Variants in SYTL2 observed in about 807,000 individuals in gnomAD.
SYTL2 encodes synaptotagmin-like protein 2.
Under a neutral mutation model 198.7 loss-of-function variants are expected in SYTL2, and 165 were observed. The observed-to-expected ratio is 0.83, with a 90% CI of 0.73 to 0.94. The LOEUF (loss-of-function observed/expected upper bound fraction) is 0.94, where lower values mean the gene tolerates loss of function less well. Ranked by LOEUF, SYTL2 falls within the 40% of genes least tolerant of loss-of-function variation. The pLI is 0.00. For missense variants in SYTL2, 2,835 were observed against 2,582.8 expected (o/e 1.10, Z -2.12); for synonymous variants, 966 against 917.7 (o/e 1.05, Z -0.95).
chr11:85,739,397 C>T (rs2153504933), intron 4 of SYTL2, among the ~76,000 whole-genome samples: 1 of 151,900 alleles, frequency 6.6e-6, no homozygotes, highest in Non-Finnish European at 1.5e-5. Context: ...CATAGTCAGA[C>T]ACTAAAATAT....
At chr11:85,702,291 G>A (rs1381017828) in intron 16 of SYTL2, among the ~76,000 whole-genome samples, 1 of 151,286 alleles carries the variant, frequency 6.6e-6, no homozygotes, top group African/African-American at 2.4e-5. Flanking sequence ...CTGGGTTCAA[G>A]TGATCCTCCC....
intron 10 of SYTL2, 97 bp downstream of exon 10, chr11:85,718,693 G>T (rs538908544): frequency 2.8e-6 from 3 of 1,061,318 alleles, no homozygotes; most frequent in African/African-American, 1.6e-5. Flanking sequence ...GGCAAATGAC[G>T]TTCTTCTGTT....
chr11:85,726,873 G>A lies in SYTL2; in HGVS notation c.2485C>T (p.Pro829Ser). 1 of 1,536,642 alleles carries A rather than the reference G, an allele frequency of 6.5e-7. No individual in the cohort carries two copies. The change falls in exon 8 of 20, where the codon CCT becomes TCT. Residue 829 changes from proline (P) to serine (S), a missense_variant. This residue lies in a region of SYTL2 where 2,645 missense variants were observed against 2,381.7 expected (regional missense o/e 1.11). Transcript: ENST00000359152. ...QEQPSAKAYQ[P>S]VKKSQGVSSM... The stretch of plus-strand genomic sequence containing the variant: ...GATACACCCTGTGACTTCTTCACAG[G>A]CTGATATGCTTTAGCAGAAGGTTGT...
chr11:85,774,352 C>T (rs2092413900), intron 1 of SYTL2, among the ~76,000 whole-genome samples: 5 of 152,140 alleles, frequency 3.3e-5, no homozygotes. Flanking sequence ...TCTTAAGGGA[C>T]TTCATTAAAT....
intron 7 of SYTL2, among the ~76,000 whole-genome samples, chr11:85,731,662 C>T (rs886118035): frequency 4.6e-5 from 7 of 152,150 alleles, no homozygotes; most frequent in African/African-American, 1.4e-4. Context: ...CCACTCAGGA[C>T]ATAGGCATGG....
intron 1 of SYTL2, among the ~76,000 whole-genome samples, chr11:85,783,444 C>A (rs748984972): frequency 1.3e-5 from 2 of 152,092 alleles, no homozygotes; most frequent in Non-Finnish European, 2.9e-5. Flanking sequence ...CATAGCCAAA[C>A]CATATAAAAC....
chr11:85,730,603 A>G (rs1009335933), intron 7 of SYTL2, among the ~76,000 whole-genome samples: 4 of 152,212 alleles, frequency 2.6e-5, no homozygotes, highest in Non-Finnish European at 4.4e-5. Context: ...TCAAAATAAT[A>G]AAAGCTATTT....
rs970874332 is a variant in SYTL2 at position 85,777,541 on chromosome 11, A to G, written c.-389-19427T>C. Among the ~76,000 whole-genome samples, 4 of 152,124 alleles carry G rather than the reference A, an allele frequency of 2.6e-5. No homozygotes were observed. In the East Asian group the frequency reaches 7.7e-4, roughly 29 times the overall value. On this transcript the variant is annotated intron_variant, in intron 1 of 19. Transcript: ENST00000359152. ...GGGAGAGGAGGGGAATGGCTAGAAA[A>G]GATTTCAAGGTGAAGATAAAGCATC...
At chr11:85,811,327 C>T (rs1592106734), upstream of SYTL2, among the ~76,000 whole-genome samples, 1 of 151,550 alleles carries the variant, frequency 6.6e-6, no homozygotes, top group South Asian at 2.1e-4. Flanking sequence ...TCCCTCCCTT[C>T]GCCCTCCGCC....
intron 2 of SYTL2, 23 bp from the exon 3 acceptor site, chr11:85,748,446 G>A (rs1159175593): frequency 6.2e-7 from 1 of 1,612,476 alleles, no homozygotes; most frequent in East Asian, 2.2e-5. Flanking sequence ...AAGATCTTTA[G>A]TTTGCTGAGA....
Position 85,724,319 on chromosome 11 carries a change from G to T in SYTL2, c.5039C>A (p.Thr1680Asn). The T allele has an allele frequency of 6.3e-7, 1 of 1,579,336 alleles. No homozygotes were observed. Among genetic ancestry groups the T allele is most frequent in the Non-Finnish European group, 8.6e-7 (1 of 1,165,820 alleles). The part of the protein sequence containing the change: ...AHEIGTIKTV[T>N]PPEDRDSESG... ...TTCACTGTCCCTGTCCTCTGGGGGG[G>T]TTACAGTTTTAATGGTCCCTATTTC... The change falls in exon 8 of 20, where the codon ACC (threonine) becomes AAC (asparagine). Residue 1680 changes from threonine to asparagine, a missense_variant. By Grantham distance (65) the Thr-to-Asn change is moderately conservative. Around this residue, in one of 3 missense-constraint regions of SYTL2, gnomAD observed 2,645 missense variants for 2,381.7 expected, o/e 1.11. Coordinates refer to ENST00000359152, the MANE Select transcript of SYTL2 (RefSeq NM_206927.4).
chr11:85,729,762 G>C (rs1385456464), intron 7 of SYTL2, among the ~76,000 whole-genome samples: 1 of 152,118 alleles, frequency 6.6e-6, no homozygotes, highest in African/African-American at 2.4e-5. Flanking sequence ...GAAGGAGATA[G>C]TGACACAAAA....
intron 1 of SYTL2, among the ~76,000 whole-genome samples, chr11:85,796,236 T>C (rs2092802228): frequency 6.6e-6 from 1 of 152,170 alleles, no homozygotes; most frequent in South Asian, 2.1e-4. Flanking sequence ...TTTTCTTATC[T>C]AGGTTATATG....
At chr11:85,837,585 G>A in the SYTL2 span, among the ~76,000 whole-genome samples, 3,093 of 152,198 alleles carry the variant, frequency 0.02, 110 homozygotes, top group African/African-American at 0.069. Context: ...TCAAAATGAT[G>A]AGGCTGGGAA....
intron 1 of SYTL2, among the ~76,000 whole-genome samples, chr11:85,782,705 T>C (rs2092580725): frequency 1.3e-5 from 2 of 152,216 alleles, no homozygotes; most frequent in East Asian, 1.9e-4. Context: ...AGAAATTTCT[T>C]CTTACAGATA....
At chr11:85,832,717 T>G in the SYTL2 span, among the ~76,000 whole-genome samples, 20,707 of 151,814 alleles carry the variant, frequency 0.14, 1,712 homozygotes, top group Middle Eastern at 0.2. Flanking sequence ...AAGGCCTAGT[T>G]TAGTGGTCCA....
At chr11:85,704,258 T>C (rs2084787904) in intron 16 of SYTL2, among the ~76,000 whole-genome samples, 1 of 152,012 alleles carries the variant, frequency 6.6e-6, no homozygotes, top group Admixed American at 6.6e-5. Context: ...CAAAGTAGAT[T>C]TTAAGGCAAT....
At chr11:85,819,990 A>G in the SYTL2 span, among the ~76,000 whole-genome samples, 1 of 152,220 alleles carries the variant, frequency 6.6e-6, no homozygotes, top group African/African-American at 2.4e-5. Flanking sequence ...ACTGAATTGA[A>G]TTTTTGAGAA....
chr11:85,784,464 T>A (rs969958269), intron 1 of SYTL2, among the ~76,000 whole-genome samples: 1 of 152,138 alleles, frequency 6.6e-6, no homozygotes, highest in African/African-American at 2.4e-5. Flanking sequence ...CATCTAAAGA[T>A]ATGATATTCT....
Sources: allele counts gnomAD v4.1 joint callset (sites outside exome capture counted in the v4.1 genomes callset), GRCh38; gene constraint gnomAD v4.1.1; regional missense constraint gnomAD v4.1.1; transcripts MANE v1.5; gene names NCBI Gene and HGNC (gene_info 2026-07-23, HGNC 2026-07-21).